The following KIAA0513 variants were observed in gnomAD, a reference collection of about 807,000 sequenced individuals.
The protein encoded by KIAA0513 is KIAA0513.
KIAA0513 carries 39 observed loss-of-function variants against 56.5 expected under a neutral mutation model. That is an observed-to-expected ratio of 0.69 (90% CI 0.53 to 0.90). KIAA0513 has a LOEUF of 0.90. KIAA0513 is among the 40% of genes least tolerant of loss of function. The probability of loss-of-function intolerance (pLI) is 0.00; values close to 1 mark genes in which losing one functional copy is unlikely to be tolerated. For missense variants in KIAA0513, 591 were observed against 535.2 expected, an observed-to-expected ratio of 1.10 and a Z score of -1.03; for synonymous variants, 268 against 215.6, an observed-to-expected ratio of 1.24 and a Z score of -2.13.
Position 85,027,827 on chromosome 16 carries a change from C to G in KIAA0513, c.-204C>G, listed in dbSNP as rs984799058. 6.6e-6 allele frequency: 1 copy of G among 152,084 alleles called. No homozygotes were observed. Among genetic ancestry groups the G allele is most frequent in the African/African-American group, 2.4e-5 (1 of 41,426 alleles). 9.4% of individuals were successfully genotyped at this position (152,084 alleles called of 1,614,324 possible). On this transcript the variant is annotated 5_prime_UTR_variant, in exon 1 of 13. Coordinates refer to ENST00000683363, the MANE Select transcript of KIAA0513 (RefSeq NM_001388359.1). ...CCGCAGCAGCCGAGTCTGACGGCGC[C>G]GGTTCGCTGCCCGGTCCGCCCGCGG... is the stretch of plus-strand genomic sequence containing the variant.
chr16:85,042,429 TA>T (rs2073115896), intron 1 of KIAA0513, among the ~76,000 whole-genome samples: 4 of 152,144 alleles, frequency 2.6e-5, no homozygotes, highest in Admixed American at 2.6e-4. Context: ...GATGAGCAAA[TA>T]GGGGGCAGGG....
intron 1 of KIAA0513, among the ~76,000 whole-genome samples, chr16:85,037,820 G>C (rs1407435179): frequency 6.6e-6 from 1 of 152,180 alleles, no homozygotes; most frequent in Non-Finnish European, 1.5e-5. Flanking sequence ...GAAAGAAGTA[G>C]CATCTCTCAC....
rs1293126025 is a variant in KIAA0513, at chr16:85,092,015, TCA to T, written c.*3692_*3693del. ...TGGAGTGCAGTGACACAATCTCTAC[TCA>T]CTGCAACCTCCACCTCCCGGGTTCA... On this transcript the variant is annotated 3_prime_UTR_variant, in exon 13 of 13. Transcript: ENST00000683363. The T allele has an allele frequency of 6.7e-6, 1 of 149,944 alleles. No individual in the cohort carries two copies. Among genetic ancestry groups the T allele is most frequent in the Admixed American group, 6.7e-5 (1 of 14,946 alleles). 9.3% of individuals were successfully genotyped at this position (149,944 alleles called of 1,614,324 possible).
intron 1 of KIAA0513, among the ~76,000 whole-genome samples, chr16:85,055,943 CTG>C (rs1446260859): frequency 6.6e-6 from 1 of 152,226 alleles, no homozygotes; most frequent in African/African-American, 2.4e-5. Flanking sequence ...GCGGGGCAAT[CTG>C]TGCTTTTTCT....
intron 1 of KIAA0513, among the ~76,000 whole-genome samples, chr16:85,052,860 T>G: frequency 6.6e-6 from 1 of 152,200 alleles, no homozygotes. Flanking sequence ...AGTATCGTGC[T>G]TGTGTAACTT....
chr16:85,073,907 T>C (rs1431788503), intron 4 of KIAA0513, among the ~76,000 whole-genome samples: 1 of 152,206 alleles, frequency 6.6e-6, no homozygotes, highest in Non-Finnish European at 1.5e-5. Context: ...CCTCCTTTAC[T>C]TCCTTGTCTC....
intron 1 of KIAA0513, among the ~76,000 whole-genome samples, chr16:85,028,377 G>T (rs774007146): frequency 3.0e-4 from 46 of 152,164 alleles, no homozygotes; most frequent in Non-Finnish European, 5.1e-4. Flanking sequence ...CGCTCCCGGG[G>T]CTTAGCAGGG....
intron 4 of KIAA0513, among the ~76,000 whole-genome samples, chr16:85,073,699 C>T (rs1021102846): frequency 6.6e-6 from 1 of 152,178 alleles, no homozygotes; most frequent in Admixed American, 6.5e-5. Context: ...CTGACCGACC[C>T]GGAGCCTCGA....
At chr16:85,062,068 C>T (rs965913037) in intron 1 of KIAA0513, among the ~76,000 whole-genome samples, 20 of 152,150 alleles carry the variant, frequency 1.3e-4, no homozygotes, top group Non-Finnish European at 2.2e-4. Context: ...CCAACCTCCC[C>T]GTCCAAAGAA....
In KIAA0513 at chr16:85,081,480, G is replaced by T. The variant is rs1019800945; in HGVS notation, c.980+88G>T. The T allele has an allele frequency of 1.0e-5, 12 of 1,164,330 alleles. No homozygotes were observed. The highest frequency in any genetic ancestry group is 1.5e-5 in the Non-Finnish European group (12 of 795,576). 72.1% of individuals were successfully genotyped at this position (1,164,330 alleles called of 1,614,324 possible). On this transcript the variant is annotated intron_variant, in intron 9 of 12. Transcript: ENST00000683363. The surrounding 1 kb of genome is among the most constrained non-coding windows in gnomAD (Gnocchi z 4.4). ...CCGGTTTCGGAAGAGGAGAGCAGAA[G>T]AGCAGCTGAGTGGACGTGTCTGTTT...
chr16:85,071,105 C>T (rs2144034357), intron 2 of KIAA0513, among the ~76,000 whole-genome samples: 1 of 150,968 alleles, frequency 6.6e-6, no homozygotes, highest in East Asian at 2.0e-4. Flanking sequence ...GAGTGTTGGC[C>T]CCTTGCAAAG....
In KIAA0513 at chr16:85,042,700, A is replaced by C. The variant is rs150556147; in HGVS notation, c.-173+14842A>C. On this transcript the variant is annotated intron_variant, in intron 1 of 12. Transcript: ENST00000683363. ...TATTATATCATTATCAAAAAGTAGT[A>C]AATAATGGTAATGCTGGGCATTGTG... Among the ~76,000 whole-genome samples the C allele has an allele frequency of 4.6e-5, 7 of 152,352 alleles. No individual in the cohort carries two copies. In the East Asian group the frequency reaches 1.3e-3, roughly 29 times the overall value.
In KIAA0513 at chr16:85,054,421, CTTTTTTTT is replaced by C. The variant is rs398042273; in HGVS notation, c.-172-12468_-172-12461del. On this transcript the variant is annotated intron_variant, in intron 1 of 12. Coordinates refer to ENST00000683363, the MANE Select transcript of KIAA0513 (RefSeq NM_001388359.1). ...TGTTTCTTTTTTTTCTTTTTCTTTT[CTTTTTTTT>C]TTTTTTTTTTGTTGTTGTTGAGATG... 5.0e-5 allele frequency among the ~76,000 whole-genome samples: 6 copies of C among 119,552 alleles called. No homozygotes were observed. The South Asian group carries it at 8.2e-4, about 16-fold the overall frequency. 78.4% of individuals were successfully genotyped at this position (119,552 alleles called of 152,430 possible). A position where few individuals can be genotyped will look rare whatever the true frequency, so the allele number is the denominator to read the frequency against.
At chr16:85,051,203 C>G (rs990825573) in intron 1 of KIAA0513, among the ~76,000 whole-genome samples, 4 of 152,080 alleles carry the variant, frequency 2.6e-5, no homozygotes, top group Non-Finnish European at 5.9e-5. Flanking sequence ...TTTGTGAGGT[C>G]GTCTTCGTGG....
chr16:85,086,592 G>T, intron 10 of KIAA0513, 52 bp from the exon 11 acceptor site: 2 of 1,553,822 alleles, frequency 1.3e-6, no homozygotes, highest in Non-Finnish European at 1.8e-6. Context: ...GAGGAGCTGG[G>T]GCAAGGACAG....
Position 85,081,434 on chromosome 16 carries a change from ACCAGGGAGTGGCTTTATTT to A in KIAA0513, c.980+45_980+63del. 6 of 1,494,996 alleles carry A rather than the reference ACCAGGGAGTGGCTTTATTT, an allele frequency of 4.0e-6. No individual in the cohort carries two copies. The highest frequency in any genetic ancestry group is 5.5e-6 in the Non-Finnish European group (6 of 1,095,112). 92.6% of individuals were successfully genotyped at this position (1,494,996 alleles called of 1,614,324 possible). ...GCCCCATTTGGCCTCAGGAAAAAGG[ACCAGGGAGTGGCTTTATTT>A]CCCGGTTTCGGAAGAGGAGAGCAGA... is the stretch of plus-strand genomic sequence containing the variant. On this transcript the variant is annotated intron_variant, in intron 9 of 12. Transcript: ENST00000683363. This position sits in a 1 kb window ranked among gnomAD's most constrained non-coding sequence, Gnocchi z 4.4.
chr16:85,036,063 C>T (rs1197155795), intron 1 of KIAA0513, among the ~76,000 whole-genome samples: 1 of 152,118 alleles, frequency 6.6e-6, no homozygotes, highest in Non-Finnish European at 1.5e-5. Context: ...AATCCTACCG[C>T]CTTGGCCTCC....
chr16:85,033,076 T>G (rs892169243), intron 1 of KIAA0513, among the ~76,000 whole-genome samples: 13 of 152,166 alleles, frequency 8.5e-5, no homozygotes, highest in African/African-American at 1.4e-4. Context: ...TTTAAAGGGA[T>G]TGGCAGGAGG....
intron 3 of KIAA0513, 144 bp downstream of exon 3, chr16:85,072,026 A>G (rs2073584277): frequency 1.6e-6 from 1 of 621,206 alleles, no homozygotes; most frequent in African/African-American, 1.9e-5. Context: ...AGTAAAACTT[A>G]TCCAAAAATA....
Sources: gnomAD v4.1 joint callset for allele counts (sites outside exome capture counted in the v4.1 genomes callset) on GRCh38, gnomAD v4.1.1 for gene constraint, Gnocchi (gnomAD v3.1) non-coding constraint, MANE v1.5 for transcripts, NCBI Gene and HGNC (gene_info 2026-07-23, HGNC 2026-07-21) for gene names.